ZNF717: variants seen among roughly 807,000 people sequenced by gnomAD.
ZNF717 encodes the protein zinc finger protein 717, also known as krueppel-like factor X17.
A neutral mutation model predicts 13.8 loss-of-function variants in ZNF717; 9 were observed. That is an observed-to-expected ratio of 0.65 (90% CI 0.39 to 1.14). ZNF717 has a LOEUF of 1.14. ZNF717 is among the 50% of genes most tolerant of loss of function. The probability of loss-of-function intolerance (pLI) is 0.01; values close to 1 mark genes in which losing one functional copy is unlikely to be tolerated. For missense variants in ZNF717, 1,040 were observed against 1,080.7 expected, an observed-to-expected ratio of 0.96 and a Z score of 0.53; for synonymous variants, 327 against 364.1, an observed-to-expected ratio of 0.90 and a Z score of 1.16.
chr3:75,722,450 GT>G (rs1224153968), intron 4 of ZNF717, among the ~76,000 whole-genome samples: 1 of 152,130 alleles, frequency 6.6e-6, no homozygotes, highest in African/African-American at 2.4e-5. Flanking sequence ...GCAATATGTT[GT>G]TTTGACTAAG....
chr3:75,779,634 TGGG>T (rs1944645392), intron 2 of ZNF717, among the ~76,000 whole-genome samples: 1 of 144,546 alleles, frequency 6.9e-6, no homozygotes, highest in Non-Finnish European at 1.5e-5. Context: ...CCCAAAACAA[TGGG>T]AGTGACGTGC....
intron 2 of ZNF717, among the ~76,000 whole-genome samples, chr3:75,744,644 G>C (rs932534516): frequency 4.1e-4 from 62 of 152,362 alleles, no homozygotes; most frequent in Non-Finnish European, 5.4e-4. Context: ...CAAAGAGATA[G>C]AGTTATTGTC....
rs77378861 is a variant in ZNF717, at chr3:75,737,930, A to G, written c.1693T>C (p.Cys565Arg). The change falls in exon 5 of 5, where the codon TGT (cysteine) becomes CGT (arginine). Residue 565 changes from cysteine (C) to arginine (R), a missense_variant. By Grantham distance (180) the Cys-to-Arg change is radical. Transcript: ENST00000652011. Reference protein sequence around the residue: ...RTHTGEKPYECNECGKSFHCK... With the variant: ...RTHTGEKPYERNECGKSFHCK... The stretch of plus-strand genomic sequence containing the variant: ...TGAAAGGATTTTCCACATTCATTAC[A>G]TTCATAGGGTTTTTCCCCTGTGTGA... 2.4e-5 allele frequency: 37 copies of G among 1,550,900 alleles called. No individual in the cohort carries two copies. The highest frequency in any genetic ancestry group is 3.1e-5 in the Non-Finnish European group (36 of 1,146,412).
At chr3:75,719,590 C>T (rs1317940399) in intron 4 of ZNF717, among the ~76,000 whole-genome samples, 1 of 152,166 alleles carries the variant, frequency 6.6e-6, no homozygotes, top group East Asian at 1.9e-4. Context: ...CCATCCGCCT[C>T]AGTGTGTGCC....
intron 2 of ZNF717, among the ~76,000 whole-genome samples, chr3:75,761,708 T>G: frequency 6.6e-6 from 1 of 152,254 alleles, no homozygotes; most frequent in South Asian, 2.1e-4. Context: ...CAGTTGCATT[T>G]CTGTAAACTA....
intron 4 of ZNF717, among the ~76,000 whole-genome samples, chr3:75,739,664 A>T (rs1963438): frequency 0.84 from 126,592 of 151,122 alleles, 52,779 homozygotes; most frequent in East Asian, 0.89. Context: ...TTATTGTCAT[A>T]TGTTTTCTCT....
downstream of ZNF717, among the ~76,000 whole-genome samples, chr3:75,734,725 G>A (rs1232507112): frequency 2.3e-4 from 33 of 143,474 alleles, no homozygotes; most frequent in African/African-American, 7.7e-4. Flanking sequence ...ATAAGCCACC[G>A]TACCTGGCTG....
intron 2 of ZNF717, among the ~76,000 whole-genome samples, chr3:75,775,214 T>C (rs1302284072): frequency 2.6e-5 from 4 of 152,222 alleles, no homozygotes; most frequent in Admixed American, 2.0e-4. Context: ...TCCACCTACC[T>C]TGGCCTCCCA....
At chr3:75,734,791 G>A, downstream of ZNF717, among the ~76,000 whole-genome samples, 1 of 127,764 alleles carries the variant, frequency 7.8e-6, no homozygotes, top group East Asian at 2.3e-4. Context: ...AACAATGTAT[G>A]CAATTATATA....
intron 6 of ZNF717, among the ~76,000 whole-genome samples, chr3:75,697,318 C>T (rs1575756895): frequency 1.3e-5 from 2 of 152,420 alleles, no homozygotes; most frequent in Admixed American, 6.5e-5. Context: ...ATATGTGTCC[C>T]CTCCCAAATC....
chr3:75,763,175 T>C (rs1473339506), intron 2 of ZNF717, among the ~76,000 whole-genome samples: 20 of 152,108 alleles, frequency 1.3e-4, no homozygotes, highest in African/African-American at 2.4e-5. Flanking sequence ...GGCAGTAAAA[T>C]CAAAAACATA....
downstream of ZNF717, among the ~76,000 whole-genome samples, chr3:75,708,897 T>A (rs1937866996): frequency 6.6e-6 from 1 of 152,166 alleles, no homozygotes; most frequent in South Asian, 2.1e-4. Context: ...TCAGGAAACA[T>A]TTATTCATGG....
intron 1 of ZNF717, chr3:75,785,175 CTG>C (rs1200771380): frequency 7.0e-6 from 1 of 142,594 alleles, no homozygotes; most frequent in Non-Finnish European, 1.6e-5. Context: ...CTCCCGAGAA[CTG>C]TGTGTTCGCA....
chr3:75,756,097 G>A (rs943184212), intron 2 of ZNF717, among the ~76,000 whole-genome samples: 9 of 152,176 alleles, frequency 5.9e-5, no homozygotes, highest in Non-Finnish European at 8.8e-5. Flanking sequence ...CTCACTTCAC[G>A]TCTCTGTCAC....
intron 4 of ZNF717, among the ~76,000 whole-genome samples, chr3:75,723,399 C>A (rs879617394): frequency 7.9e-6 from 1 of 126,766 alleles, no homozygotes; most frequent in East Asian, 2.2e-4. Context: ...GGGCAGCAAG[C>A]CACCCAGGTG....
At chr3:75,696,892 CAAAAAAAAAAAAAAAAAA>C (rs142213799) in intron 6 of ZNF717, among the ~76,000 whole-genome samples, 1 of 61,464 alleles carries the variant, frequency 1.6e-5, no homozygotes. Flanking sequence ...GACTTCATCT[CAAAAAAAAAAAAAAAAAA>C]AAAAAAACAA....
At chr3:75,735,825 A>AG (rs1939115234), downstream of ZNF717, 1 of 151,336 alleles carries the variant, frequency 6.6e-6, no homozygotes, top group South Asian at 2.1e-4. Flanking sequence ...AAATGCACCC[A>AG]GAAAAGACAA....
intron 2 of ZNF717, among the ~76,000 whole-genome samples, chr3:75,778,906 C>A (rs1386819135): frequency 0.024 from 886 of 37,226 alleles, no homozygotes; most frequent in Middle Eastern, 0.033. Flanking sequence ...AATGGGAGTG[C>A]TGTGCTAAAA....
In ZNF717 at chr3:75,768,365, G is replaced by C. The variant is rs978345343; in HGVS notation, c.57+14941C>G. 6.5e-5 allele frequency among the ~76,000 whole-genome samples: 8 copies of C among 122,512 alleles called. 1 individual carries two copies. The highest frequency in any genetic ancestry group is 1.2e-4 in the Non-Finnish European group (7 of 56,094). 80.4% of individuals were successfully genotyped at this position (122,512 alleles called of 152,430 possible). On this transcript the variant is annotated intron_variant, in intron 2 of 4. Coordinates refer to ENST00000652011, the MANE Select transcript of ZNF717 (RefSeq NM_001290208.3). ...GTCCTCACTGTGGCTGAGTGTGGGG[G>C]GGGGGGGTAGATGACAGCCCACCAC...
Sources: allele counts gnomAD v4.1 joint callset (sites outside exome capture counted in the v4.1 genomes callset), GRCh38; gene constraint gnomAD v4.1.1; transcripts MANE v1.5; gene names NCBI Gene and HGNC (gene_info 2026-07-23, HGNC 2026-07-21).